Variants in MAGI1 observed in about 807,000 individuals in gnomAD.
The protein encoded by MAGI1 is membrane-associated guanylate kinase, WW and PDZ domain-containing protein 1.
Under a neutral mutation model 139.9 loss-of-function variants are expected in MAGI1, and 58 were observed. The ratio of observed to expected loss-of-function variants is 0.41; its 90% CI spans 0.34 to 0.52. The LOEUF is 0.52. Among genes scored for constraint, MAGI1 ranks in the 20% least tolerant of loss-of-function variants. The pLI is 0.12. For missense variants in MAGI1, 1,874 were observed against 1,901.6 expected (o/e 0.99, Z 0.27); for synonymous variants, 812 against 737.9 (o/e 1.10, Z -1.63).
chr3:65,756,835 C>A (rs185084934), intron 1 of MAGI1, among the ~76,000 whole-genome samples: 35 of 152,282 alleles, frequency 2.3e-4, no homozygotes, highest in Admixed American at 2.0e-3. Flanking sequence ...CCCACATACA[C>A]AAACACACCA....
chr3:65,449,294 A>C (rs1948874858), intron 6 of MAGI1, among the ~76,000 whole-genome samples: 1 of 152,180 alleles, frequency 6.6e-6, no homozygotes, highest in South Asian at 2.1e-4. Context: ...AAATGATCCC[A>C]CTGCCAGCGG....
At chr3:65,785,620 G>A (rs564190489) in intron 1 of MAGI1, among the ~76,000 whole-genome samples, 44 of 152,180 alleles carry the variant, frequency 2.9e-4, no homozygotes, top group African/African-American at 9.4e-4. Flanking sequence ...TTATAAATAC[G>A]TGGTCTCTGG....
At chr3:65,534,982 G>C (rs1256865837) in intron 2 of MAGI1, among the ~76,000 whole-genome samples, 1 of 152,062 alleles carries the variant, frequency 6.6e-6, no homozygotes, top group African/African-American at 2.4e-5. Context: ...TCTCCATGTG[G>C]GGGACAAGGC....
chr3:65,525,188 C>G (rs1191763911), intron 2 of MAGI1, among the ~76,000 whole-genome samples: 1 of 152,142 alleles, frequency 6.6e-6, no homozygotes, highest in Non-Finnish European at 1.5e-5. Flanking sequence ...CTGCCAGACA[C>G]TACTATCCCA....
At chr3:65,390,162 G>C (rs1023041551) in intron 14 of MAGI1, among the ~76,000 whole-genome samples, 17 of 152,128 alleles carry the variant, frequency 1.1e-4, no homozygotes, top group Non-Finnish European at 1.9e-4. Context: ...CTCTCGATGG[G>C]GACCCTGCTG....
chr3:65,543,434 A>G (rs1226368929), intron 2 of MAGI1, among the ~76,000 whole-genome samples: 2 of 152,230 alleles, frequency 1.3e-5, no homozygotes, highest in Admixed American at 1.3e-4. Flanking sequence ...TCATTCTGCT[A>G]CAAAGACACA....
chr3:65,635,917 T>G (rs755529700), intron 1 of MAGI1, among the ~76,000 whole-genome samples: 1 of 152,224 alleles, frequency 6.6e-6, no homozygotes, highest in Non-Finnish European at 1.5e-5. Context: ...CAGTATAGCA[T>G]GCCACTTCAA....
intron 2 of MAGI1, among the ~76,000 whole-genome samples, chr3:65,615,775 A>AT (rs2106986231): frequency 6.6e-6 from 1 of 152,290 alleles, no homozygotes; most frequent in African/African-American, 2.4e-5. Flanking sequence ...TAATCCCATG[A>AT]TTTTTTAATT....
rs948081427 is a variant in MAGI1 at position 65,369,471 on chromosome 3, C to T, written c.3197-4525G>A. Among the ~76,000 whole-genome samples the T allele has an allele frequency of 4.6e-5, 7 of 151,858 alleles. 1 individual carries two copies. In the South Asian group the frequency reaches 6.2e-4, roughly 14 times the overall value. On this transcript the variant is annotated intron_variant, in intron 18 of 22. Coordinates refer to ENST00000402939, the MANE Select transcript of MAGI1 (RefSeq NM_001033057.2). ...AGGGCAGAGCATCTTTTCAAAGGGC[C>T]TGCTGGGGTTTCGAGAACAGTGTCC...
At chr3:65,651,946 C>T (rs1343428951) in intron 1 of MAGI1, among the ~76,000 whole-genome samples, 4 of 152,082 alleles carry the variant, frequency 2.6e-5, no homozygotes, top group East Asian at 1.9e-4. Context: ...CATCTAAAAA[C>T]GTATCTTCTC....
intron 2 of MAGI1, among the ~76,000 whole-genome samples, chr3:65,612,696 G>A (rs536949123): frequency 6.6e-6 from 1 of 152,166 alleles, no homozygotes; most frequent in East Asian, 1.9e-4. Context: ...ATCCACTATA[G>A]AAGCCAGAAA....
chr3:65,893,058 C>A (rs1466618389), intron 1 of MAGI1, among the ~76,000 whole-genome samples: 1 of 152,148 alleles, frequency 6.6e-6, no homozygotes, highest in African/African-American at 2.4e-5. Flanking sequence ...AATTAAGTAA[C>A]AATCCATTCT....
At chr3:65,644,922 G>A (rs1363813194) in intron 1 of MAGI1, among the ~76,000 whole-genome samples, 1 of 151,442 alleles carries the variant, frequency 6.6e-6, no homozygotes, top group Non-Finnish European at 1.5e-5. Flanking sequence ...ACTTGAACCT[G>A]GGAAGCGGAG....
intron 10 of MAGI1, among the ~76,000 whole-genome samples, chr3:65,431,526 C>T (rs1335567263): frequency 6.6e-6 from 1 of 151,970 alleles, no homozygotes; most frequent in Non-Finnish European, 1.5e-5. Context: ...CAACGCATGC[C>T]TAGGGCTAAG....
At chr3:65,981,219 T>C (rs1363455480) in intron 1 of MAGI1, among the ~76,000 whole-genome samples, 2 of 152,102 alleles carry the variant, frequency 1.3e-5, no homozygotes, top group African/African-American at 4.8e-5. Context: ...CACATTTATT[T>C]CAAGAGCTCC....
chr3:65,845,633 T>C (rs2058966294), intron 1 of MAGI1, among the ~76,000 whole-genome samples: 1 of 152,172 alleles, frequency 6.6e-6, no homozygotes, highest in Non-Finnish European at 1.5e-5. Context: ...ACCACATCAC[T>C]CACAACTGCA....
At chr3:65,434,649 C>T (rs956269349) in intron 10 of MAGI1, among the ~76,000 whole-genome samples, 7 of 152,120 alleles carry the variant, frequency 4.6e-5, no homozygotes, top group African/African-American at 7.2e-5. Flanking sequence ...GACACTTAAC[C>T]GGTAGGCAGG....
chr3:65,667,610 C>T (rs1048805437), intron 1 of MAGI1, among the ~76,000 whole-genome samples: 2 of 151,924 alleles, frequency 1.3e-5, no homozygotes, highest in Admixed American at 6.6e-5. Context: ...CTCATTTTTT[C>T]ACCCGGGCTG....
Position 65,402,053 on chromosome 3 carries a change from A to T in MAGI1, c.2168-583T>A, listed in dbSNP as rs148454846. The T allele has an allele frequency of 9.2e-3, 2,362 of 257,722 alleles. 18 individuals are homozygous for T. Among genetic ancestry groups the T allele is most frequent in the Non-Finnish European group, 0.012 (1,993 of 164,708 alleles). 16.0% of individuals were successfully genotyped at this position (257,722 alleles called of 1,614,324 possible). ...TGCTCTTTTGCCAACACAGAATGCT[A>T]ACAAATGAACACAAATCCAAGTTGC... On this transcript the variant is annotated intron_variant, in intron 12 of 22. Coordinates refer to ENST00000402939, the MANE Select transcript of MAGI1 (RefSeq NM_001033057.2).
Sources: allele counts gnomAD v4.1 joint callset (sites outside exome capture counted in the v4.1 genomes callset), GRCh38; gene constraint gnomAD v4.1.1; transcripts MANE v1.5; gene names NCBI Gene and HGNC (gene_info 2026-07-23, HGNC 2026-07-21).